The following STARD9 variants were observed in gnomAD, a reference collection of about 807,000 sequenced individuals.
The protein encoded by STARD9 is stAR-related lipid transfer protein 9.
In STARD9, 346 loss-of-function variants were observed where a neutral mutation model predicts 399.8. That is an observed-to-expected ratio of 0.87 (90% CI 0.79 to 0.95). The LOEUF is 0.95. Ranked by LOEUF, STARD9 falls within the 40% of genes least tolerant of loss-of-function variation. STARD9 has a pLI of 0.00. For missense variants in STARD9, 5,832 were observed against 5,667.5 expected (o/e 1.03, Z -0.93); for synonymous variants, 2,203 against 2,143.5 (o/e 1.03, Z -0.77).
At chr15:42,618,440 A>G (rs2059016427) in intron 3 of STARD9, among the ~76,000 whole-genome samples, 1 of 152,038 alleles carries the variant, frequency 6.6e-6, no homozygotes, top group Admixed American at 6.6e-5. Flanking sequence ...GCCACTATAC[A>G]CTTTTATTTG....
At chr15:42,646,189 G>GATA (rs904271705) in intron 7 of STARD9, among the ~76,000 whole-genome samples, 10 of 151,574 alleles carry the variant, frequency 6.6e-5, no homozygotes, top group South Asian at 2.1e-4. Flanking sequence ...TAATAATAAT[G>GATA]ATAATAATAA....
chr15:42,638,520 CA>C lies in STARD9; in HGVS notation c.447-174del, dbSNP rs564597643. On this transcript the variant is annotated intron_variant, in intron 6 of 32. Transcript: ENST00000290607. ...GACTCTGTCTCAAAAATAAAAAATA[CA>C]AAAAACTCTATTGTATATGTATGGA... Among the ~76,000 whole-genome samples the C allele has an allele frequency of 3.5e-3, 532 of 152,168 alleles. 4 individuals carry two copies. Among genetic ancestry groups the C allele is most frequent in the Admixed American group, 6.3e-3 (97 of 15,276 alleles).
chr15:42,719,617 C>T lies in STARD9; in HGVS notation c.*43C>T. On this transcript the variant is annotated 3_prime_UTR_variant, in exon 33 of 33. Coordinates refer to ENST00000290607, the MANE Select transcript of STARD9 (RefSeq NM_020759.3). ...GGTGCTGCTGAGATGCAGGCCCAGG[C>T]TGCTCAAGAGAGACACTGTGGCAGC... is the stretch of plus-strand genomic sequence containing the variant. 1 of 1,296,646 alleles carries T rather than the reference C, an allele frequency of 7.7e-7. No individual in the cohort carries two copies. The highest frequency in any genetic ancestry group is 1.1e-6 in the Non-Finnish European group (1 of 929,668). 80.3% of individuals were successfully genotyped at this position (1,296,646 alleles called of 1,614,324 possible).
chr15:42,719,791 C>T lies in STARD9; in HGVS notation c.*217C>T. The T allele has an allele frequency of 1.8e-6, 1 of 542,954 alleles. No homozygotes were observed. The highest frequency in any genetic ancestry group is 3.3e-6 in the Non-Finnish European group (1 of 304,814). The allele number at this position is 542,954 out of a possible 1,614,324, so 33.6% of individuals were successfully genotyped here. A position where few individuals can be genotyped will look rare whatever the true frequency, so the allele number is the denominator to read the frequency against. ...ACCAGTGCAGAGCAAACGGCCTGAG[C>T]TCCTGGCCCAGACTATCCAGAGTGA... On this transcript the variant is annotated 3_prime_UTR_variant, in exon 33 of 33. Transcript: ENST00000290607.
intron 7 of STARD9, among the ~76,000 whole-genome samples, chr15:42,646,245 C>T (rs577588375): frequency 6.6e-6 from 1 of 152,056 alleles, no homozygotes; most frequent in Non-Finnish European, 1.5e-5. Flanking sequence ...ACAGGAGAAT[C>T]GGCCTGTCCT....
At chr15:42,650,933 G>T in intron 7 of STARD9, 83 bp from the exon 8 acceptor site, 1 of 907,546 alleles carries the variant, frequency 1.1e-6, no homozygotes, top group South Asian at 1.9e-5. Flanking sequence ...TATGAAATAG[G>T]AATGATAAAG....
At chr15:42,605,871 G>A (rs529607824) in intron 3 of STARD9, among the ~76,000 whole-genome samples, 14 of 152,308 alleles carry the variant, frequency 9.2e-5, no homozygotes, top group Admixed American at 7.8e-4. Flanking sequence ...TTGTGGTGGT[G>A]TTGTGGCGAT....
At chr15:42,673,601 G>T (rs914424433) in intron 16 of STARD9, among the ~76,000 whole-genome samples, 1 of 152,132 alleles carries the variant, frequency 6.6e-6, no homozygotes, top group African/African-American at 2.4e-5. Context: ...GTTAATACCT[G>T]TATTTTGAGT....
chr15:42,655,907 G>A (rs2059858930), intron 9 of STARD9, among the ~76,000 whole-genome samples: 1 of 152,002 alleles, frequency 6.6e-6, no homozygotes, highest in African/African-American at 2.4e-5. Context: ...ATCAAAAAGT[G>A]GGCTAAGGAC....
chr15:42,635,476 C>T (rs1239765854), intron 4 of STARD9, among the ~76,000 whole-genome samples: 1 of 151,890 alleles, frequency 6.6e-6, no homozygotes, highest in African/African-American at 2.4e-5. Context: ...ACTACAGGCA[C>T]CCGCCACCAC....
At chr15:42,637,864 A>C in intron 4 of STARD9, 43 bp from the exon 5 acceptor site, 1 of 1,535,036 alleles carries the variant, frequency 6.5e-7, no homozygotes, top group Non-Finnish European at 8.7e-7. Context: ...GGAGAGCATC[A>C]TCTTAAGTAA....
Position 42,614,118 on chromosome 15 carries a change from C to G in STARD9, c.235-20738C>G, listed in dbSNP as rs747972506. ...ACAAGGTCAGGAGTTCAAGACTGCCCTGACCAACATGGTGAAACCCCGTCT... is the reference window on the plus strand; with the variant it reads ...ACAAGGTCAGGAGTTCAAGACTGCCGTGACCAACATGGTGAAACCCCGTCT... On this transcript the variant is annotated intron_variant, in intron 3 of 32. Coordinates refer to ENST00000290607, the MANE Select transcript of STARD9 (RefSeq NM_020759.3). 7.2e-5 allele frequency among the ~76,000 whole-genome samples: 11 copies of G among 152,122 alleles called. No homozygotes were observed. The South Asian group carries it at 2.3e-3, about 32-fold the overall frequency.
intron 26 of STARD9, among the ~76,000 whole-genome samples, chr15:42,713,052 TAA>T (rs1289653288): frequency 1.3e-5 from 2 of 152,222 alleles, no homozygotes; most frequent in Non-Finnish European, 2.9e-5. Flanking sequence ...ATTGCTATCT[TAA>T]TATTAAGTCT....
At chr15:42,627,979 C>CT (rs1374371815) in intron 3 of STARD9, among the ~76,000 whole-genome samples, 1 of 152,048 alleles carries the variant, frequency 6.6e-6, no homozygotes, top group Non-Finnish European at 1.5e-5. Flanking sequence ...GTAATTTTAT[C>CT]TTTAGTGTTT....
At chr15:42,616,073 A>G (rs187980627) in intron 3 of STARD9, among the ~76,000 whole-genome samples, 183 of 152,208 alleles carry the variant, frequency 1.2e-3, no homozygotes, top group African/African-American at 4.2e-3. Context: ...AGAAGTGAGC[A>G]TTGTTTGTAA....
chr15:42,716,627 A>G (rs1378299871), intron 26 of STARD9, 50 bp from the exon 27 acceptor site: 3 of 1,173,398 alleles, frequency 2.6e-6, no homozygotes, highest in Admixed American at 2.0e-5. Context: ...CAGAGGAGAT[A>G]ATTCTGTGCT....
intron 3 of STARD9, among the ~76,000 whole-genome samples, chr15:42,593,436 G>A (rs1016072048): frequency 1.3e-5 from 2 of 152,062 alleles, no homozygotes; most frequent in African/African-American, 4.8e-5. Context: ...CAAAAATCAT[G>A]TCTATGAACA....
In STARD9 at chr15:42,687,338, G is replaced by A. The variant is rs1330990384; in HGVS notation, c.5760G>A (p.Glu1920=). The A allele has an allele frequency of 2.0e-6, 3 of 1,536,638 alleles. No homozygotes were observed. The highest frequency in any genetic ancestry group is 2.6e-6 in the Non-Finnish European group (3 of 1,146,936). ...AATCTGAGGCACGAGAGGAAGAAGA[G>A]CTGGATCAGAATACGGTTCTGAGGC... ...FRESEAREEE[E]LDQNTVLRQT... Residue 1920 remains glutamate (E), a synonymous_variant, in exon 23 of 33, where the codon GAG becomes GAA. Transcript: ENST00000290607.
At chr15:42,704,017 C>T (rs1043805670) in intron 26 of STARD9, among the ~76,000 whole-genome samples, 11 of 152,168 alleles carry the variant, frequency 7.2e-5, no homozygotes, top group African/African-American at 2.2e-4. Flanking sequence ...AAGCGATTCT[C>T]CTGCCTCAGC....
Sources: allele counts gnomAD v4.1 joint callset (sites outside exome capture counted in the v4.1 genomes callset), GRCh38; gene constraint gnomAD v4.1.1; transcripts MANE v1.5; gene names NCBI Gene and HGNC (gene_info 2026-07-23, HGNC 2026-07-21).